MACROD2: variants seen among roughly 807,000 people sequenced by gnomAD.
MACROD2 encodes mono-ADP ribosylhydrolase 2.
Under a neutral mutation model 70.4 loss-of-function variants are expected in MACROD2, and 36 were observed. The observed-to-expected ratio is 0.51, with a 90% CI of 0.39 to 0.68. MACROD2 has a LOEUF of 0.68. Among genes scored for constraint, MACROD2 ranks in the 30% least tolerant of loss-of-function variants. MACROD2 has a pLI of 0.00. For missense variants in MACROD2, 496 were observed against 538.4 expected, an observed-to-expected ratio of 0.92 and a Z score of 0.78; for synonymous variants, 172 against 178.8, an observed-to-expected ratio of 0.96 and a Z score of 0.30.
chr20:15,483,058 G>T (rs2146457838), intron 7 of MACROD2, among the ~76,000 whole-genome samples: 1 of 152,132 alleles, frequency 6.6e-6, no homozygotes, highest in Non-Finnish European at 1.5e-5. Context: ...CAGAGCAGAT[G>T]TTTTTTAATT....
chr20:15,195,910 AC>A (rs1305997796), intron 5 of MACROD2, among the ~76,000 whole-genome samples: 4 of 152,204 alleles, frequency 2.6e-5, no homozygotes, highest in African/African-American at 9.6e-5. Flanking sequence ...ATAAAAAGGA[AC>A]GAGATCTTGT....
intron 5 of MACROD2, among the ~76,000 whole-genome samples, chr20:14,887,895 T>C (rs1426648741): frequency 6.6e-6 from 1 of 151,932 alleles, no homozygotes. Context: ...TTCAGCTCTT[T>C]TGTTTAAACT....
chr20:14,963,833 G>C (rs6043023), intron 5 of MACROD2, among the ~76,000 whole-genome samples: 2,420 of 152,234 alleles, frequency 0.016, 64 homozygotes, highest in African/African-American at 0.054. Flanking sequence ...ATTTAGCATG[G>C]TCTAGTCCCC....
intron 3 of MACROD2, among the ~76,000 whole-genome samples, chr20:14,259,018 C>T (rs568452137): frequency 6.6e-6 from 1 of 152,350 alleles, no homozygotes; most frequent in African/African-American, 2.4e-5. Context: ...TCTCAGCTCA[C>T]TGCAACCTCT....
At chr20:14,618,125 T>C (rs1012450289) in intron 4 of MACROD2, among the ~76,000 whole-genome samples, 1 of 149,788 alleles carries the variant, frequency 6.7e-6, no homozygotes. Flanking sequence ...TTTTTTTTCA[T>C]CAATGTATCC....
chr20:15,500,683 G>A (rs893886766), intron 8 of MACROD2, among the ~76,000 whole-genome samples: 5 of 152,224 alleles, frequency 3.3e-5, no homozygotes, highest in African/African-American at 1.2e-4. Context: ...GAATTATTTG[G>A]AAATAATTAG....
At chr20:14,814,014 A>G (rs557549598) in intron 5 of MACROD2, among the ~76,000 whole-genome samples, 1 of 151,964 alleles carries the variant, frequency 6.6e-6, no homozygotes, top group African/African-American at 2.4e-5. Context: ...CACTCTTATC[A>G]CTCCAGAATT....
intron 4 of MACROD2, among the ~76,000 whole-genome samples, chr20:14,546,807 T>C (rs1217477042): frequency 1.3e-5 from 2 of 152,200 alleles, no homozygotes; most frequent in Non-Finnish European, 2.9e-5. Context: ...TTACAAATAA[T>C]AGCCATTGTT....
intron 8 of MACROD2, among the ~76,000 whole-genome samples, chr20:15,753,894 C>T (rs894258935): frequency 6.6e-6 from 1 of 152,126 alleles, no homozygotes; most frequent in Admixed American, 6.5e-5. Context: ...TAAACACTTG[C>T]AAGTACCTAA....
chr20:16,044,663 T>C, intron 17 of MACROD2, 24 bp downstream of exon 17: 2 of 1,592,598 alleles, frequency 1.3e-6, no homozygotes, highest in Non-Finnish European at 1.7e-6. Context: ...TGTGGTGAGA[T>C]TTTCAATGAT....
At chr20:15,245,105 A>G (rs530611524) in intron 6 of MACROD2, among the ~76,000 whole-genome samples, 11 of 152,372 alleles carry the variant, frequency 7.2e-5, no homozygotes, top group Non-Finnish European at 1.3e-4. Context: ...GAGAATTAGC[A>G]TTTGAAATGG....
At chr20:15,825,637 G>A (rs563142041) in intron 8 of MACROD2, among the ~76,000 whole-genome samples, 2 of 152,044 alleles carry the variant, frequency 1.3e-5, no homozygotes, top group South Asian at 4.2e-4. Flanking sequence ...CTACATTTCA[G>A]GTCAAGTTGT....
intron 3 of MACROD2, among the ~76,000 whole-genome samples, chr20:14,433,837 A>AT (rs2084024902): frequency 6.6e-6 from 1 of 152,058 alleles, no homozygotes; most frequent in South Asian, 2.1e-4. Context: ...TTCCCAGAGG[A>AT]TTTAAAATAG....
intron 3 of MACROD2, among the ~76,000 whole-genome samples, chr20:14,204,192 C>A (rs1372471598): frequency 2.0e-5 from 3 of 152,162 alleles, no homozygotes; most frequent in African/African-American, 7.2e-5. Context: ...AGCTCTCAGG[C>A]TCTGGAGAAT....
At chr20:15,486,145 C>G (rs2047160265) in intron 7 of MACROD2, among the ~76,000 whole-genome samples, 1 of 151,920 alleles carries the variant, frequency 6.6e-6, no homozygotes, top group African/African-American at 2.4e-5. Flanking sequence ...ACTATCAGTT[C>G]CTCTTCCTCA....
chr20:14,230,631 T>TATATATATATA lies in MACROD2; in HGVS notation c.271+144903_271+144904insATATATATATA, dbSNP rs1569217269. Among the ~76,000 whole-genome samples, 111 of 94,244 alleles carry TATATATATATA rather than the reference T, an allele frequency of 1.2e-3. 1 individual carries two copies. The highest frequency in any genetic ancestry group is 1.9e-3 in the Admixed American group (16 of 8,286). The allele number at this position is 94,244 out of a possible 152,430, so 61.8% of individuals were successfully genotyped here. A position where few individuals can be genotyped will look rare whatever the true frequency, so the allele number is the denominator to read the frequency against. ...ACTTCTTCCAAACTCTCATTCATGTTTATATATATATATATATATATATAA... is the reference window on the plus strand; with the variant it reads ...ACTTCTTCCAAACTCTCATTCATGTTATATATATATATATATATATATATATATATATATAA... On this transcript the variant is annotated intron_variant, in intron 3 of 17. Coordinates refer to ENST00000684519, the MANE Select transcript of MACROD2 (RefSeq NM_001351661.2).
chr20:15,689,929 C>A (rs2050277815), intron 8 of MACROD2, among the ~76,000 whole-genome samples: 1 of 152,188 alleles, frequency 6.6e-6, no homozygotes, highest in Admixed American at 6.5e-5. Flanking sequence ...AGTTCTATCC[C>A]AACCAAAGGC....
intron 8 of MACROD2, among the ~76,000 whole-genome samples, chr20:15,569,719 T>A (rs2048352651): frequency 6.6e-6 from 1 of 152,210 alleles, no homozygotes; most frequent in African/African-American, 2.4e-5. Flanking sequence ...AAGTGGTAGC[T>A]TCACAAAGAT....
At chr20:15,816,925 T>C (rs1370962983) in intron 8 of MACROD2, among the ~76,000 whole-genome samples, 2 of 152,158 alleles carry the variant, frequency 1.3e-5, no homozygotes, top group African/African-American at 4.8e-5. Context: ...TCTAATGGCT[T>C]AAATGAGGTG....
Sources: gnomAD v4.1 joint callset for allele counts (sites outside exome capture counted in the v4.1 genomes callset) on GRCh38, gnomAD v4.1.1 for gene constraint, MANE v1.5 for transcripts, NCBI Gene and HGNC (gene_info 2026-07-23, HGNC 2026-07-21) for gene names.